BRWD1: variants seen among roughly 807,000 people sequenced by gnomAD.
BRWD1 encodes bromodomain and WD repeat-containing protein 1.
Under a neutral mutation model 251.2 loss-of-function variants are expected in BRWD1, and 82 were observed. That is an observed-to-expected ratio of 0.33 (90% CI 0.27 to 0.39). BRWD1 has a LOEUF of 0.39. Among genes scored for constraint, BRWD1 ranks in the 10% least tolerant of loss-of-function variants. The pLI, the probability that BRWD1 is intolerant of heterozygous loss-of-function variation, is 1.00. For missense variants in BRWD1, 2,233 were observed against 2,711.6 expected, an observed-to-expected ratio of 0.82 and a Z score of 3.92; for synonymous variants, 918 against 902.8, an observed-to-expected ratio of 1.02 and a Z score of -0.30.
chr21:39,270,276 T>C lies in BRWD1; in HGVS notation c.1395+7A>G. On this transcript the variant is annotated splice_region_variant and intron_variant, in intron 14 of 40. Coordinates refer to ENST00000342449, the MANE Select transcript of BRWD1 (RefSeq NM_033656.4). The stretch of plus-strand genomic sequence containing the variant: ...TCATTTGTTACACTGTACCAGAAAT[T>C]ACCTACCATTAAGTTATGAAGCAGT... 6.4e-7 allele frequency: 1 copy of C among 1,553,046 alleles called. No homozygotes were observed. The highest frequency in any genetic ancestry group is 8.7e-7 in the Non-Finnish European group (1 of 1,152,758).
In BRWD1 at chr21:39,294,051, A is replaced by C. The variant is rs1435165159; in HGVS notation, c.610-19T>G. The C allele has an allele frequency of 6.3e-7, 1 of 1,592,962 alleles. No homozygotes were observed. Among genetic ancestry groups the C allele is most frequent in the South Asian group, 1.1e-5 (1 of 90,048 alleles). On this transcript the variant is annotated intron_variant, in intron 7 of 40. Coordinates refer to ENST00000342449, the MANE Select transcript of BRWD1 (RefSeq NM_033656.4). Reference sequence around the variant, plus strand: ...CTGAACCCTAAGAAAAAATATATCCAAAAATTAATGTTAGTACAGCAAATC... The same window carrying C: ...CTGAACCCTAAGAAAAAATATATCCCAAAATTAATGTTAGTACAGCAAATC...
intron 19 of BRWD1, among the ~76,000 whole-genome samples, chr21:39,253,342 G>A (rs190213421): frequency 4.1e-5 from 6 of 146,480 alleles, no homozygotes; most frequent in Admixed American, 6.8e-5. Flanking sequence ...CGATGGGGAT[G>A]AGAAACACAG....
chr21:39,217,044 TATATA>T (rs2032951986), intron 31 of BRWD1: 73 of 17,478 alleles, frequency 4.2e-3, no homozygotes, highest in South Asian at 9.1e-3. Flanking sequence ...TAAATATATA[TATATA>T]TTTATATATA....
intron 18 of BRWD1, 59 bp from the exon 19 acceptor site, chr21:39,255,887 C>T (rs2034548056): frequency 2.7e-6 from 4 of 1,476,180 alleles, no homozygotes; most frequent in Non-Finnish European, 2.8e-6. Flanking sequence ...ATACATTTAG[C>T]ATGTAACAAG....
intron 21 of BRWD1, among the ~76,000 whole-genome samples, chr21:39,241,474 A>T (rs1314536617): frequency 1.5e-3 from 30 of 20,050 alleles, no homozygotes; most frequent in African/African-American, 6.7e-3. Context: ...TCTCCAAAGT[A>T]AAAAAAAAAA....
At position 39,198,935 on chromosome 21, in the gene BRWD1, A is replaced by C. The variant is rs190301905; in HGVS notation, c.5481T>G (p.Ser1827=). The change falls in exon 40 of 41, where the codon TCT becomes TCG. Residue 1827 remains serine (S), a synonymous_variant. Transcript: ENST00000342449. ...KILSDSEDSE[S]EEQDREDGKC... is the part of the protein sequence containing the mutation. The stretch of plus-strand genomic sequence containing the variant: ...TCCCATCTTCTCTATCTTGCTCTTC[A>C]GATTCAGAGTCTTCTGAGTCACTCA... 2.2e-5 allele frequency: 36 copies of C among 1,614,054 alleles called. No homozygotes were observed. The Middle Eastern group carries it at 4.9e-4, about 22-fold the overall frequency.
At chr21:39,252,983 C>T (rs567559151) in intron 19 of BRWD1, among the ~76,000 whole-genome samples, 1 of 152,252 alleles carries the variant, frequency 6.6e-6, no homozygotes, top group East Asian at 1.9e-4. Context: ...TTGGACTATG[C>T]GGTGACCTTA....
intron 19 of BRWD1, 79 bp downstream of exon 19, chr21:39,255,566 G>A (rs1208418041): frequency 8.6e-7 from 1 of 1,164,686 alleles, no homozygotes; most frequent in African/African-American, 1.6e-5. Context: ...CACAATTAAT[G>A]GAATACAGAA....
chr21:39,231,546 C>T (rs1394597972), intron 25 of BRWD1, among the ~76,000 whole-genome samples: 1 of 152,114 alleles, frequency 6.6e-6, no homozygotes, highest in Admixed American at 6.6e-5. Flanking sequence ...AGCATTTCTG[C>T]TTGTTTTCCA....
At chr21:39,265,721 C>T (rs6517531) in intron 15 of BRWD1, among the ~76,000 whole-genome samples, 141,116 of 152,280 alleles carry the variant, frequency 0.93, 65,730 homozygotes, top group African/African-American at 0.97. Flanking sequence ...TGAACTAAAA[C>T]GAACACTTTT....
chr21:39,279,698 TTTAATACATTAATCAA>T (rs2035396715), intron 9 of BRWD1, among the ~76,000 whole-genome samples: 1 of 151,632 alleles, frequency 6.6e-6, no homozygotes. Context: ...AAAAAAATGT[TTTAATACATTAATCAA>T]TTGTAAGTTT....
chr21:39,216,250 A>G (rs1251972271), intron 31 of BRWD1, among the ~76,000 whole-genome samples: 1 of 152,256 alleles, frequency 6.6e-6, no homozygotes, highest in East Asian at 1.9e-4. Flanking sequence ...GCCAAAGATA[A>G]AAAGTCAGTG....
intron 40 of BRWD1, among the ~76,000 whole-genome samples, chr21:39,197,996 T>C (rs537475888): frequency 3.3e-5 from 5 of 152,304 alleles, no homozygotes; most frequent in Non-Finnish European, 5.9e-5. Flanking sequence ...ATCTTGACAC[T>C]ATAATATTAA....
At chr21:39,292,142 G>GT (rs1162700061) in intron 8 of BRWD1, among the ~76,000 whole-genome samples, 16 of 96,982 alleles carry the variant, frequency 1.6e-4, no homozygotes, top group African/African-American at 5.4e-4. Context: ...TGGGGGGGGG[G>GT]GTCTCACTAA....
rs746202030 is a variant in BRWD1, at chr21:39,232,170, A to T, written c.3000+7T>A. 9 of 1,577,970 alleles carry T rather than the reference A, an allele frequency of 5.7e-6. No homozygotes were observed. The highest frequency in any genetic ancestry group is 7.8e-6 in the Non-Finnish European group (9 of 1,149,238). Reference sequence around the variant, plus strand: ...TGTTTAATGATTTAATAATGCCATCATCCTACCCTAAGATCCATTTTTCTC... The same window carrying T: ...TGTTTAATGATTTAATAATGCCATCTTCCTACCCTAAGATCCATTTTTCTC... On this transcript the variant is annotated splice_region_variant and intron_variant, in intron 25 of 40. Coordinates refer to ENST00000342449, the MANE Select transcript of BRWD1 (RefSeq NM_033656.4).
In BRWD1 at chr21:39,267,055, G is replaced by A. The variant is rs540032389; in HGVS notation, c.1531-2036C>T. ...AGTTAAGGTAATGGATGTATCCCAC[G>A]GATTTTAAAACGACAGAAAAATTGT... On this transcript the variant is annotated intron_variant, in intron 15 of 40. Coordinates refer to ENST00000342449, the MANE Select transcript of BRWD1 (RefSeq NM_033656.4). Among the ~76,000 whole-genome samples, 19 of 152,164 alleles carry A rather than the reference G, an allele frequency of 1.2e-4. No homozygotes were observed. In the East Asian group the frequency reaches 2.1e-3, roughly 17 times the overall value.
intron 20 of BRWD1, among the ~76,000 whole-genome samples, chr21:39,250,060 T>C (rs1445720271): frequency 6.6e-6 from 1 of 151,974 alleles, no homozygotes. Flanking sequence ...GACTAACTCA[T>C]GAGTTAGGCT....
At chr21:39,203,438 C>CTTTTTTTTTTTTTTTTTTTTT (rs71330353) in intron 37 of BRWD1, among the ~76,000 whole-genome samples, 16 of 67,712 alleles carry the variant, frequency 2.4e-4, no homozygotes, top group Admixed American at 4.1e-4. Flanking sequence ...GACCCTGGTT[C>CTTTTTTTTTTTTTTTTTTTTT]TTTTTTTTTT....
At chr21:39,253,985 G>A (rs1038213119) in intron 19 of BRWD1, among the ~76,000 whole-genome samples, 20 of 152,144 alleles carry the variant, frequency 1.3e-4, no homozygotes, top group African/African-American at 4.3e-4. Context: ...TCATTTCTTA[G>A]GCTGGGCGTA....
Sources: gnomAD v4.1 joint callset for allele counts (sites outside exome capture counted in the v4.1 genomes callset) on GRCh38, gnomAD v4.1.1 for gene constraint, MANE v1.5 for transcripts, NCBI Gene and HGNC (gene_info 2026-07-23, HGNC 2026-07-21) for gene names.